DACH2: variants seen among roughly 807,000 people sequenced by gnomAD.
The protein encoded by DACH2 is dachshund family transcription factor 2.
In DACH2, 17 loss-of-function variants were observed where a neutral mutation model predicts 35.8. The ratio of observed to expected loss-of-function variants is 0.48; its 90% CI spans 0.33 to 0.71. DACH2 has a LOEUF of 0.71. Ranked by LOEUF, DACH2 falls within the 30% of genes least tolerant of loss-of-function variation. The pLI is 0.02. For synonymous variants in DACH2, 195 were observed against 177.3 expected, an observed-to-expected ratio of 1.10 and a Z score of -0.79; for missense variants, 469 against 472.7, an observed-to-expected ratio of 0.99 and a Z score of 0.07.
intron 11 of DACH2, among the ~76,000 whole-genome samples, chrX:86,825,696 A>G (rs1368308017): frequency 2.7e-5 from 3 of 111,704 alleles, no homozygotes; most frequent in African/African-American, 9.8e-5. Flanking sequence ...TCTCAGATGA[A>G]AAATAGAATT....
intron 3 of DACH2, among the ~76,000 whole-genome samples, chrX:86,592,377 T>TC (rs2039658709): frequency 1.8e-5 from 2 of 111,981 alleles, no homozygotes; most frequent in African/African-American, 6.5e-5. Context: ...TGTTTTTGTT[T>TC]ATTCTTTCAC....
chrX:86,462,104 G>A (rs1020147549), intron 2 of DACH2, among the ~76,000 whole-genome samples: 2 of 110,772 alleles, frequency 1.8e-5, no homozygotes, highest in Admixed American at 9.6e-5. Flanking sequence ...ACAGAAAACC[G>A]TTGTTGGTTT....
intron 1 of DACH2, among the ~76,000 whole-genome samples, chrX:86,254,424 C>CT (rs1418296060): frequency 9.1e-6 from 1 of 110,160 alleles, no homozygotes; most frequent in Non-Finnish European, 1.9e-5. Context: ...CTCTCTTTCT[C>CT]TTTTTTTGTA....
intron 1 of DACH2, among the ~76,000 whole-genome samples, chrX:86,229,496 CTG>C (rs2032900737): frequency 9.0e-6 from 1 of 111,635 alleles, no homozygotes; most frequent in Non-Finnish European, 1.9e-5. Context: ...TTTTCTAACT[CTG>C]TGAAGAATGA....
chrX:86,596,950 A>G (rs1199678729), intron 3 of DACH2, among the ~76,000 whole-genome samples: 1 of 111,013 alleles, frequency 9.0e-6, no homozygotes, highest in African/African-American at 3.3e-5. Context: ...CCACATATTT[A>G]TAGGTCTATT....
At chrX:86,550,328 G>A (rs5968944) in intron 3 of DACH2, among the ~76,000 whole-genome samples, 21,019 of 110,562 alleles carry the variant, frequency 0.19, 1,557 homozygotes, top group East Asian at 0.27. Context: ...TTTATTTATG[G>A]AAAAAATTTA....
At chrX:86,827,516 G>A (rs764278913) in intron 11 of DACH2, among the ~76,000 whole-genome samples, 1 of 111,077 alleles carries the variant, frequency 9.0e-6, no homozygotes, top group Non-Finnish European at 1.9e-5. Context: ...GTAAATCTAC[G>A]CTTTTGCTCA....
chrX:86,358,434 CA>C (rs1432799777), intron 1 of DACH2, among the ~76,000 whole-genome samples: 186 of 13,466 alleles, frequency 0.014, 3 homozygotes, highest in East Asian at 0.13. Context: ...AGCCCCGCCA[CA>C]CACACACACA....
In DACH2 at chrX:86,442,894, G is replaced by A. The variant is rs1458516840; in HGVS notation, c.527+66032G>A. ...ATGGATTTATGTCTGGGCATGCATGGATTTATTTTTGGGCTATCTTTTCTG... is the reference window on the plus strand; with the variant it reads ...ATGGATTTATGTCTGGGCATGCATGAATTTATTTTTGGGCTATCTTTTCTG... On this transcript the variant is annotated intron_variant, in intron 2 of 11. Coordinates refer to ENST00000373125, the MANE Select transcript of DACH2 (RefSeq NM_053281.3). Among the ~76,000 whole-genome samples, 4 of 111,516 alleles carry A rather than the reference G, an allele frequency of 3.6e-5. No homozygotes were observed. In the East Asian group the frequency reaches 1.1e-3, roughly 32 times the overall value.
chrX:86,663,869 C>T (rs1242477755), intron 4 of DACH2, among the ~76,000 whole-genome samples: 1 of 111,641 alleles, frequency 9.0e-6, no homozygotes, highest in African/African-American at 3.3e-5. Context: ...TTACAAGTGC[C>T]TCCTCTAGGT....
chrX:86,277,581 T>C (rs1200144193), intron 1 of DACH2, among the ~76,000 whole-genome samples: 1 of 112,267 alleles, frequency 8.9e-6, no homozygotes, highest in Non-Finnish European at 1.9e-5. Context: ...TAAAAATGGG[T>C]TGTAAGGCAG....
intron 1 of DACH2, among the ~76,000 whole-genome samples, chrX:86,232,526 A>C (rs1357485819): frequency 8.9e-6 from 1 of 112,251 alleles, no homozygotes; most frequent in African/African-American, 3.2e-5. Flanking sequence ...CATTAAAAAG[A>C]GGGCAAAGGA....
intron 1 of DACH2, among the ~76,000 whole-genome samples, chrX:86,313,925 T>G (rs928072140): frequency 8.9e-6 from 1 of 112,098 alleles, no homozygotes; most frequent in African/African-American, 3.2e-5. Flanking sequence ...CTTGCAATAC[T>G]GCAAATGGTT....
chrX:86,203,214 T>G (rs1157137476), intron 1 of DACH2, among the ~76,000 whole-genome samples: 1 of 111,534 alleles, frequency 9.0e-6, no homozygotes, highest in East Asian at 2.8e-4. Flanking sequence ...AAGTTTATAT[T>G]TTCAGTATAC....
intron 4 of DACH2, among the ~76,000 whole-genome samples, chrX:86,689,575 T>C (rs969075512): frequency 2.7e-5 from 3 of 112,084 alleles, no homozygotes; most frequent in Non-Finnish European, 3.8e-5. Context: ...AAATATTCTA[T>C]GGCTGAGAGA....
intron 1 of DACH2, among the ~76,000 whole-genome samples, chrX:86,152,478 A>G (rs780794279): frequency 1.8e-5 from 2 of 111,954 alleles, no homozygotes; most frequent in South Asian, 7.4e-4. Flanking sequence ...AAGTCACAGC[A>G]AGAACTACCA....
At chrX:86,438,142 T>A (rs749846368) in intron 2 of DACH2, among the ~76,000 whole-genome samples, 2 of 109,863 alleles carry the variant, frequency 1.8e-5, no homozygotes, top group East Asian at 5.7e-4. Flanking sequence ...TATTTGGTTT[T>A]CTGTTCCTTC....
At chrX:86,234,607 T>C (rs1340751945) in intron 1 of DACH2, among the ~76,000 whole-genome samples, 1 of 90,015 alleles carries the variant, frequency 1.1e-5, no homozygotes, top group Non-Finnish European at 2.1e-5. Context: ...ACTTTATTTA[T>C]ATTTTAATTT....
At chrX:86,377,635 C>T (rs751217040) in intron 2 of DACH2, among the ~76,000 whole-genome samples, 5 of 110,058 alleles carry the variant, frequency 4.5e-5, no homozygotes, top group Non-Finnish European at 7.7e-5. Context: ...TCTTCTCTTC[C>T]ACACTTCTTT....
Sources: allele counts gnomAD v4.1 joint callset (sites outside exome capture counted in the v4.1 genomes callset), GRCh38; gene constraint gnomAD v4.1.1; transcripts MANE v1.5; gene names NCBI Gene and HGNC (gene_info 2026-07-23, HGNC 2026-07-21).